PREX2: variants seen among roughly 807,000 people sequenced by gnomAD.
PREX2 encodes the protein phosphatidylinositol-3,4,5-trisphosphate dependent Rac exchange factor 2.
A neutral mutation model predicts 203.2 loss-of-function variants in PREX2; 107 were observed. That is an observed-to-expected ratio of 0.53 (90% CI 0.45 to 0.62). PREX2 has a LOEUF of 0.62. PREX2 is among the 20% of genes least tolerant of loss of function. The probability of loss-of-function intolerance (pLI) is 0.00; values close to 1 mark genes in which losing one functional copy is unlikely to be tolerated. For synonymous variants in PREX2, 672 were observed against 663.6 expected (o/e 1.01, Z -0.19); for missense variants, 1,777 against 1,955.9 (o/e 0.91, Z 1.72).
At chr8:68,076,250 A>C (rs1193607211) in intron 14 of PREX2, among the ~76,000 whole-genome samples, 1 of 152,110 alleles carries the variant, frequency 6.6e-6, no homozygotes, top group Non-Finnish European at 1.5e-5. Context: ...TGAGGTTAGG[A>C]GTTTGAGACC....
intron 33 of PREX2, among the ~76,000 whole-genome samples, chr8:68,141,415 G>T (rs1469371903): frequency 1.3e-5 from 2 of 152,110 alleles, no homozygotes; most frequent in Non-Finnish European, 2.9e-5. Context: ...CTGTCTTCAT[G>T]GAGCTGACAG....
At chr8:68,033,165 A>G (rs1243908533) in intron 6 of PREX2, among the ~76,000 whole-genome samples, 6 of 152,168 alleles carry the variant, frequency 3.9e-5, no homozygotes, top group Non-Finnish European at 7.3e-5. Context: ...CTACTAAATT[A>G]TTTACATTCC....
Position 68,090,659 on chromosome 8 carries a change from C to G in PREX2, c.2194C>G (p.His732Asp). The G allele has an allele frequency of 6.2e-7, 1 of 1,614,036 alleles. No homozygotes were observed. Among genetic ancestry groups the G allele is most frequent in the South Asian group, 1.1e-5 (1 of 91,072 alleles). The part of the protein sequence containing the change: ...VNGINVSKET[H>D]ASVIAHVTAC... ...TGGAATCAATGTCAGCAAAGAGACA[C>G]ATGCCAGTGTCATTGCACACGTTAC... is the stretch of plus-strand genomic sequence containing the variant. The change falls in exon 20 of 40, where the codon CAT becomes GAT. Residue 732 changes from histidine (H) to aspartate (D), a missense_variant. Physicochemically the swap from His to Asp is moderately conservative, Grantham distance 81 (BLOSUM62 -1). Coordinates refer to ENST00000288368, the MANE Select transcript of PREX2 (RefSeq NM_024870.4).
At chr8:67,975,022 C>T (rs1333080858) in intron 1 of PREX2, among the ~76,000 whole-genome samples, 1 of 152,164 alleles carries the variant, frequency 6.6e-6, no homozygotes, top group Admixed American at 6.5e-5. Context: ...TGGGCTTGTG[C>T]ACCTCTCTCT....
chr8:68,126,739 A>G (rs1039493910), intron 30 of PREX2, among the ~76,000 whole-genome samples: 2 of 152,078 alleles, frequency 1.3e-5, no homozygotes, highest in Non-Finnish European at 2.9e-5. Flanking sequence ...TTGGAAACAA[A>G]TGGACATGTA....
chr8:68,207,009 C>T (rs986361935), intron 37 of PREX2, among the ~76,000 whole-genome samples: 7 of 152,148 alleles, frequency 4.6e-5, no homozygotes, highest in Non-Finnish European at 1.5e-5. Context: ...ATATACTTGT[C>T]AGTTTGACAA....
At chr8:68,181,840 G>A (rs959086809) in intron 35 of PREX2, among the ~76,000 whole-genome samples, 2 of 152,116 alleles carry the variant, frequency 1.3e-5, no homozygotes, top group Non-Finnish European at 2.9e-5. Context: ...GGTGCTGTGT[G>A]TTGGGATAAA....
intron 38 of PREX2, among the ~76,000 whole-genome samples, chr8:68,224,344 C>A (rs1813015153): frequency 6.6e-6 from 1 of 152,114 alleles, no homozygotes; most frequent in Non-Finnish European, 1.5e-5. Flanking sequence ...GTATTGATCG[C>A]TTCTAGGAAT....
At chr8:68,050,568 G>A (rs1261785171) in intron 8 of PREX2, among the ~76,000 whole-genome samples, 2 of 152,156 alleles carry the variant, frequency 1.3e-5, no homozygotes, top group African/African-American at 4.8e-5. Context: ...ATTACAATTT[G>A]ACATGAGATT....
rs1809141894 is a variant in PREX2, at chr8:68,069,822, CTAT to C, written c.1444-11_1444-9del. On this transcript the variant is annotated splice_polypyrimidine_tract_variant and intron_variant, in intron 12 of 39. Coordinates refer to ENST00000288368, the MANE Select transcript of PREX2 (RefSeq NM_024870.4). Reference sequence around the variant, plus strand: ...AATCTCACTTGTTTTTGATATATCTCTATTTTACGTAGGGTGTAAGATTATATT... The same window carrying C: ...AATCTCACTTGTTTTTGATATATCTCTTTACGTAGGGTGTAAGATTATATT... The C allele has an allele frequency of 7.0e-7, 1 of 1,422,930 alleles. No homozygotes were observed. The highest frequency in any genetic ancestry group is 1.4e-5 in the African/African-American group (1 of 70,736). The allele number at this position is 1,422,930 out of a possible 1,614,324, so 88.1% of individuals were successfully genotyped here.
chr8:68,188,489 C>A (rs185926605), intron 35 of PREX2, among the ~76,000 whole-genome samples: 34 of 152,142 alleles, frequency 2.2e-4, no homozygotes, highest in Non-Finnish European at 3.4e-4. Flanking sequence ...TTTTGGATGC[C>A]CAAAGGAATG....
intron 18 of PREX2, among the ~76,000 whole-genome samples, chr8:68,087,087 A>G (rs1279933051): frequency 1.3e-5 from 2 of 152,212 alleles, no homozygotes; most frequent in Non-Finnish European, 2.9e-5. Flanking sequence ...AGCACAGTAC[A>G]GGGCAACTTA....
At chr8:68,148,354 T>TA (rs749746007) in intron 34 of PREX2, among the ~76,000 whole-genome samples, 2 of 152,220 alleles carry the variant, frequency 1.3e-5, no homozygotes, top group Non-Finnish European at 2.9e-5. Flanking sequence ...AGCCAGGACT[T>TA]ACAATTGTTA....
At chr8:67,971,276 G>A (rs1050051822) in intron 1 of PREX2, among the ~76,000 whole-genome samples, 1 of 152,172 alleles carries the variant, frequency 6.6e-6, no homozygotes, top group Non-Finnish European at 1.5e-5. Context: ...GCACAGGTGA[G>A]ACCTGAGAGA....
intron 17 of PREX2, chr8:68,082,968 A>C: frequency 3.4e-6 from 1 of 294,400 alleles, no homozygotes; most frequent in Non-Finnish European, 6.3e-6. Flanking sequence ...GAACAGTAAA[A>C]TATAACAGAA....
In PREX2 at chr8:67,978,310, A is replaced by C. The variant is rs1457284235; in HGVS notation, c.141+25775A>C. Reference sequence around the variant, plus strand: ...CCATATCCTTACACCTGTGTAACTAACATCCAGAGCAAGGGACAGAATATT... The same window carrying C: ...CCATATCCTTACACCTGTGTAACTACCATCCAGAGCAAGGGACAGAATATT... On this transcript the variant is annotated intron_variant, in intron 1 of 39. Transcript: ENST00000288368. Among the ~76,000 whole-genome samples, 7 of 152,142 alleles carry C rather than the reference A, an allele frequency of 4.6e-5. No homozygotes were observed. In the South Asian group the frequency reaches 1.0e-3, roughly 22 times the overall value.
chr8:68,223,734 T>G (rs373589212), intron 38 of PREX2, among the ~76,000 whole-genome samples: 1 of 152,190 alleles, frequency 6.6e-6, no homozygotes, highest in African/African-American at 2.4e-5. Flanking sequence ...CTGTGAAGAA[T>G]TTTTCATTGC....
chr8:68,000,002 C>T lies in PREX2; in HGVS notation c.142-17844C>T, dbSNP rs1806892068. 3.3e-5 allele frequency among the ~76,000 whole-genome samples: 5 copies of T among 152,126 alleles called. No homozygotes were observed. The South Asian group carries it at 1.0e-3, about 32-fold the overall frequency. On this transcript the variant is annotated intron_variant, in intron 1 of 39. Coordinates refer to ENST00000288368, the MANE Select transcript of PREX2 (RefSeq NM_024870.4). ...AAACCACCTGTGACAAACCCACAGC[C>T]AACATTATACTGAATGGGCAAAAGC...
intron 1 of PREX2, among the ~76,000 whole-genome samples, chr8:67,989,800 CT>C: frequency 6.6e-6 from 1 of 152,164 alleles, no homozygotes; most frequent in Non-Finnish European, 1.5e-5. Flanking sequence ...AATAACCTGT[CT>C]AGAGACACAC....
Sources: gnomAD v4.1 joint callset for allele counts (sites outside exome capture counted in the v4.1 genomes callset) on GRCh38, gnomAD v4.1.1 for gene constraint, MANE v1.5 for transcripts, NCBI Gene and HGNC (gene_info 2026-07-23, HGNC 2026-07-21) for gene names.